AFF1: variants seen among roughly 807,000 people sequenced by gnomAD.
AFF1 encodes AF4/FMR2 family member 1.
AFF1 carries 48 observed loss-of-function variants against 121.7 expected under a neutral mutation model. The observed-to-expected ratio is 0.39, with a 90% confidence interval of 0.31 to 0.50. The LOEUF is 0.50. Among genes scored for constraint, AFF1 ranks in the 20% least tolerant of loss-of-function variants. The pLI, the probability that AFF1 is intolerant of heterozygous loss-of-function variation, is 0.76. For missense variants in AFF1, 1,523 were observed against 1,511.7 expected (o/e 1.01, Z -0.12); for synonymous variants, 613 against 563.0 (o/e 1.09, Z -1.26).
At chr4:87,021,302 A>T (rs1727875761) in intron 2 of AFF1, among the ~76,000 whole-genome samples, 2 of 152,212 alleles carry the variant, frequency 1.3e-5, no homozygotes. Flanking sequence ...GGGAAAGGCT[A>T]AAGTAGAGGG....
At position 87,126,340 on chromosome 4, in the gene AFF1, A is replaced by C. The variant is rs775429489; in HGVS notation, c.2811+4A>C. On this transcript the variant is annotated splice_donor_region_variant and intron_variant, in intron 14 of 20. Coordinates refer to ENST00000395146, the MANE Select transcript of AFF1 (RefSeq NM_001166693.3). ...CAGAAGCTCCTCGGAGCACAAGGTGAGCAGGGGCGGCGGTCACTCTGTAAG... is the reference window on the plus strand; with the variant it reads ...CAGAAGCTCCTCGGAGCACAAGGTGCGCAGGGGCGGCGGTCACTCTGTAAG... The C allele has an allele frequency of 3.1e-6, 5 of 1,613,202 alleles. No individual in the cohort carries two copies. The highest frequency in any genetic ancestry group is 3.4e-6 in the Non-Finnish European group (4 of 1,179,160).
At chr4:87,023,737 A>G (rs1728257071) in intron 2 of AFF1, among the ~76,000 whole-genome samples, 1 of 152,258 alleles carries the variant, frequency 6.6e-6, no homozygotes, top group Non-Finnish European at 1.5e-5. Flanking sequence ...AAAATGTCCA[A>G]CATTTGGAAT....
intron 2 of AFF1, among the ~76,000 whole-genome samples, chr4:87,010,437 A>G (rs762659269): frequency 5.9e-5 from 9 of 152,212 alleles, no homozygotes; most frequent in South Asian, 2.1e-4. Context: ...ACCTATAAAC[A>G]TAACAGACAC....
intron 2 of AFF1, among the ~76,000 whole-genome samples, chr4:87,043,643 CAGA>C (rs1351876174): frequency 1.3e-5 from 2 of 152,190 alleles, no homozygotes; most frequent in African/African-American, 4.8e-5. Flanking sequence ...GACTTCATTA[CAGA>C]AGATTACACG....
chr4:87,004,641 C>A (rs963131314), intron 2 of AFF1, among the ~76,000 whole-genome samples: 3 of 152,098 alleles, frequency 2.0e-5, no homozygotes, highest in Admixed American at 2.0e-4. Context: ...TATTCTTGTT[C>A]CAGTGAGCAT....
At chr4:86,974,627 C>T (rs1723167711) in intron 2 of AFF1, among the ~76,000 whole-genome samples, 1 of 152,062 alleles carries the variant, frequency 6.6e-6, no homozygotes, top group South Asian at 2.1e-4. Context: ...AAATGCCATC[C>T]AAAATTGCTA....
intron 1 of AFF1, chr4:86,936,284 G>C (rs901180321): frequency 6.6e-6 from 1 of 152,200 alleles, no homozygotes; most frequent in South Asian, 2.1e-4. Context: ...GACTCACCAC[G>C]GGGAAATCAG....
chr4:86,995,305 CCCCTCTCCCCACGGTCTCCCTCT>C (rs1560525436), intron 2 of AFF1, among the ~76,000 whole-genome samples: 2 of 140,228 alleles, frequency 1.4e-5, no homozygotes, highest in Admixed American at 1.4e-4. Context: ...TCCCTCCCTC[CCCCTCTCCCCACGGTCTCCCTCT>C]CCCTCTCTTT....
chr4:87,061,779 A>G (rs957560362), intron 4 of AFF1, among the ~76,000 whole-genome samples: 2 of 152,176 alleles, frequency 1.3e-5, no homozygotes, highest in Non-Finnish European at 2.9e-5. Context: ...GAGCAGACCC[A>G]AGACATGAGA....
At chr4:86,989,824 T>A (rs188402758) in intron 2 of AFF1, among the ~76,000 whole-genome samples, 22 of 152,134 alleles carry the variant, frequency 1.4e-4, no homozygotes, top group Non-Finnish European at 2.8e-4. Flanking sequence ...GGCACGTATA[T>A]ACCATGGAAT....
chr4:87,050,880 T>C (rs1731196179), intron 4 of AFF1, among the ~76,000 whole-genome samples: 1 of 152,128 alleles, frequency 6.6e-6, no homozygotes, highest in African/African-American at 2.4e-5. Flanking sequence ...TTCTTTTCTG[T>C]CTAGAGATAA....
chr4:86,954,821 A>G (rs1438647135), intron 2 of AFF1, among the ~76,000 whole-genome samples: 6 of 152,342 alleles, frequency 3.9e-5, no homozygotes, highest in African/African-American at 1.2e-4. Context: ...ATGCTGAGTG[A>G]AAGAGGAAAG....
At chr4:87,022,579 T>TATAC (rs1728064246) in intron 2 of AFF1, among the ~76,000 whole-genome samples, 2 of 89,134 alleles carry the variant, frequency 2.2e-5, no homozygotes, top group African/African-American at 1.0e-4. Context: ...TATATATATA[T>TATAC]ATATCTATCT....
chr4:87,031,743 G>T (rs1729108390), intron 2 of AFF1, among the ~76,000 whole-genome samples: 1 of 152,190 alleles, frequency 6.6e-6, no homozygotes, highest in Non-Finnish European at 1.5e-5. Flanking sequence ...TGGTGGTAAT[G>T]TTGAATGTTT....
chr4:86,958,579 G>A (rs1465386493), intron 2 of AFF1, among the ~76,000 whole-genome samples: 1 of 152,022 alleles, frequency 6.6e-6, no homozygotes, highest in Non-Finnish European at 1.5e-5. Flanking sequence ...TTAGCCGGGT[G>A]TGGTGGTACG....
intron 4 of AFF1, among the ~76,000 whole-genome samples, chr4:87,079,904 A>G (rs1004638042): frequency 6.6e-6 from 1 of 152,302 alleles, no homozygotes; most frequent in Non-Finnish European, 1.5e-5. Flanking sequence ...TGATGGGTAC[A>G]TTTAGTGTAG....
chr4:87,040,581 A>G (rs79771742), intron 2 of AFF1, among the ~76,000 whole-genome samples: 1 of 140,636 alleles, frequency 7.1e-6, no homozygotes, highest in Non-Finnish European at 1.5e-5. Flanking sequence ...TTTTTTTTTA[A>G]TTGAGACAGA....
chr4:87,087,155 C>G (rs1723822638), intron 5 of AFF1, among the ~76,000 whole-genome samples: 1 of 152,230 alleles, frequency 6.6e-6, no homozygotes, highest in South Asian at 2.1e-4. Context: ...CTCAGTGCAG[C>G]ATTTCCATGA....
intron 8 of AFF1, among the ~76,000 whole-genome samples, chr4:87,095,440 CT>C (rs1578239399): frequency 6.6e-6 from 1 of 152,146 alleles, no homozygotes; most frequent in East Asian, 1.9e-4. Flanking sequence ...TTAAGTCCCC[CT>C]GTTGAAGGTC....
Sources: gnomAD v4.1 joint callset for allele counts (sites outside exome capture counted in the v4.1 genomes callset) on GRCh38, gnomAD v4.1.1 for gene constraint, MANE v1.5 for transcripts, NCBI Gene and HGNC (gene_info 2026-07-23, HGNC 2026-07-21) for gene names.